IFT27: variants seen among roughly 807,000 people sequenced by gnomAD.
IFT27 encodes the protein intraflagellar transport protein 27 homolog.
IFT27 carries 19 observed loss-of-function variants against 23.9 expected under a neutral mutation model. That is an observed-to-expected ratio of 0.79 (90% CI 0.55 to 1.16). The LOEUF (loss-of-function observed/expected upper bound fraction) is 1.16, where lower values mean the gene tolerates loss of function less well. IFT27 is among the 50% of genes most tolerant of loss of function. The pLI is 0.00. For missense variants in IFT27, 206 were observed against 228.7 expected, an observed-to-expected ratio of 0.90 and a Z score of 0.64; for synonymous variants, 91 against 89.1, an observed-to-expected ratio of 1.02 and a Z score of -0.12.
chr22:36,767,667 G>A, intron 2 of IFT27, 116 bp downstream of exon 2: 1 of 974,676 alleles, frequency 1.0e-6, no homozygotes, highest in South Asian at 1.4e-5. Flanking sequence ...GTGGCCCTCT[G>A]AGCAGCCTTT....
At chr22:36,767,908 G>T in intron 1 of IFT27, 46 bp from the exon 2 acceptor site, 3 of 1,490,152 alleles carry the variant, frequency 2.0e-6, no homozygotes, top group South Asian at 2.3e-5. Flanking sequence ...GTTCTCATCT[G>T]ACTTGAGAAT....
At chr22:36,767,923 C>T (rs563113605) in intron 1 of IFT27, 61 bp from the exon 2 acceptor site, 32 of 1,398,530 alleles carry the variant, frequency 2.3e-5, no homozygotes, top group Non-Finnish European at 3.2e-5. Context: ...GAGAATCTCC[C>T]GCTGCAGAAC....
In IFT27 at chr22:36,764,048, G is replaced by A; in HGVS notation, c.235-12C>T. On this transcript the variant is annotated splice_polypyrimidine_tract_variant and intron_variant, in intron 4 of 6. Transcript: ENST00000433985. ...TTGGGACTCTCCCACTGTGCAAGAG[G>A]GACAGGATGAGTATGGGTCAGTAAC... The A allele has an allele frequency of 6.3e-7, 1 of 1,575,660 alleles. No individual in the cohort carries two copies. The highest frequency in any genetic ancestry group is 8.7e-7 in the Non-Finnish European group (1 of 1,144,850).
chr22:36,766,326 C>A, intron 3 of IFT27, 129 bp from the exon 4 acceptor site: 1 of 743,326 alleles, frequency 1.3e-6, no homozygotes, highest in South Asian at 1.5e-5. Context: ...TTCACACATG[C>A]TCTGTCTTTT....
chr22:36,767,762 G>A (rs1158157695), intron 2 of IFT27, 21 bp downstream of exon 2: 2 of 1,603,332 alleles, frequency 1.2e-6, no homozygotes, highest in Admixed American at 3.3e-5. Context: ...GCTGTGGCCA[G>A]GTCTTGACAC....
At chr22:36,771,530 G>A (rs773332817) in intron 1 of IFT27, among the ~76,000 whole-genome samples, 23 of 152,048 alleles carry the variant, frequency 1.5e-4, no homozygotes, top group Admixed American at 5.2e-4. Flanking sequence ...CTGGGGTCAC[G>A]CGGCAGGTGA....
In IFT27 at chr22:36,773,654, CAAAAA is replaced by C. The variant is rs35651506; in HGVS notation, c.34+2015_34+2019del. On this transcript the variant is annotated intron_variant, in intron 1 of 6. Coordinates refer to ENST00000433985, the MANE Select transcript of IFT27 (RefSeq NM_001177701.3). Reference sequence around the variant, plus strand: ...AGGCAATGAGAGTGAAACTCCGTCTCAAAAAAAAAAAAAAAAAAAATAGAAGGACA... The same window carrying C: ...AGGCAATGAGAGTGAAACTCCGTCTCAAAAAAAAAAAAAAATAGAAGGACA... Among the ~76,000 whole-genome samples, 12 of 110,486 alleles carry C rather than the reference CAAAAA, an allele frequency of 1.1e-4. No individual in the cohort carries two copies. In the Admixed American group the frequency reaches 1.1e-3, roughly 10 times the overall value. 72.5% of individuals were successfully genotyped at this position (110,486 alleles called of 152,430 possible). A position where few individuals can be genotyped will look rare whatever the true frequency, so the allele number is the denominator to read the frequency against.
At chr22:36,768,771 T>G (rs1383757703) in intron 1 of IFT27, among the ~76,000 whole-genome samples, 2 of 152,224 alleles carry the variant, frequency 1.3e-5, no homozygotes, top group Admixed American at 6.5e-5. Flanking sequence ...CCTCCTTTGA[T>G]GCTGATTGTT....
chr22:36,763,675 G>A, intron 5 of IFT27: 1 of 585,954 alleles, frequency 1.7e-6, no homozygotes, highest in Non-Finnish European at 3.1e-6. Flanking sequence ...TCCCGTTATT[G>A]AGTCTCCCCA....
At chr22:36,767,496 G>C in intron 2 of IFT27, 131 bp from the exon 3 acceptor site, 1 of 784,320 alleles carries the variant, frequency 1.3e-6, no homozygotes. Context: ...ACTCATTCTT[G>C]TGAGAAGCAG....
chr22:36,772,908 G>A (rs1938418272), intron 1 of IFT27, among the ~76,000 whole-genome samples: 1 of 152,158 alleles, frequency 6.6e-6, no homozygotes, highest in Non-Finnish European at 1.5e-5. Context: ...TCTGGGCTGA[G>A]GTCTTTTGGT....
rs767294210 is a variant in IFT27 at position 36,767,882 on chromosome 22, G to A, written c.35-20C>T. 1 of 1,599,914 alleles carries A rather than the reference G, an allele frequency of 6.3e-7. No homozygotes were observed. The highest frequency in any genetic ancestry group is 8.6e-7 in the Non-Finnish European group (1 of 1,167,078). On this transcript the variant is annotated intron_variant, in intron 1 of 6. Coordinates refer to ENST00000433985, the MANE Select transcript of IFT27 (RefSeq NM_001177701.3). Reference sequence around the variant, plus strand: ...GGTCTCCTGTGAGATCAGAAAAGAAGAAAAAGAACGCCTTAGTTCTCATCT... The same window carrying A: ...GGTCTCCTGTGAGATCAGAAAAGAAAAAAAAGAACGCCTTAGTTCTCATCT...
chr22:36,767,992 G>A (rs1938298085), intron 1 of IFT27, 130 bp from the exon 2 acceptor site: 1 of 877,496 alleles, frequency 1.1e-6, no homozygotes, highest in South Asian at 1.3e-5. Flanking sequence ...CCTCTCACGG[G>A]AACTTGTTCT....
intron 1 of IFT27, chr22:36,772,582 C>G: frequency 2.0e-6 from 2 of 985,386 alleles, no homozygotes; most frequent in Non-Finnish European, 2.4e-6. Flanking sequence ...ATCTGGCACA[C>G]AAAGGGCATT....
At chr22:36,768,125 C>G (rs888891782) in intron 1 of IFT27, 3 of 600,142 alleles carry the variant, frequency 5.0e-6, no homozygotes, top group Non-Finnish European at 3.2e-6. Context: ...ACAGAACTTA[C>G]AGAGGGCTTT....
At chr22:36,765,660 C>T (rs939842265) in intron 4 of IFT27, among the ~76,000 whole-genome samples, 2 of 152,022 alleles carry the variant, frequency 1.3e-5, no homozygotes, top group Non-Finnish European at 2.9e-5. Flanking sequence ...GCTGGTGGGA[C>T]GGGGGTGGAT....
rs1037477371 is a variant in IFT27, at chr22:36,775,996, T to G, written c.-289A>C. On this transcript the variant is annotated 5_prime_UTR_variant, in exon 1 of 7. Transcript: ENST00000433985. Reference sequence around the variant, plus strand: ...AAGGTGCAAGCGAGCGGACACGGCCTGTGCTCCCCGCCCAGCCCCTCAGCA... The same window carrying G: ...AAGGTGCAAGCGAGCGGACACGGCCGGTGCTCCCCGCCCAGCCCCTCAGCA... 2 of 547,056 alleles carry G rather than the reference T, an allele frequency of 3.7e-6. No homozygotes were observed. Among genetic ancestry groups the G allele is most frequent in the Non-Finnish European group, 6.6e-6 (2 of 303,156 alleles). The allele number at this position is 547,056 out of a possible 1,614,324, so 33.9% of individuals were successfully genotyped here.
At chr22:36,774,173 A>G (rs1040434220) in intron 1 of IFT27, among the ~76,000 whole-genome samples, 1 of 152,238 alleles carries the variant, frequency 6.6e-6, no homozygotes. Context: ...CCTGAGAACC[A>G]TTAATTTATT....
intron 4 of IFT27, among the ~76,000 whole-genome samples, chr22:36,765,783 G>C (rs543074962): frequency 1.7e-4 from 26 of 152,324 alleles, no homozygotes; most frequent in Non-Finnish European, 2.4e-4. Flanking sequence ...CTTCCCAGAG[G>C]GGGAGGAGGC....
Sources: allele counts gnomAD v4.1 joint callset (sites outside exome capture counted in the v4.1 genomes callset), GRCh38; gene constraint gnomAD v4.1.1; transcripts MANE v1.5; gene names NCBI Gene and HGNC (gene_info 2026-07-23, HGNC 2026-07-21).